MAST4: variants seen among roughly 807,000 people sequenced by gnomAD.
The protein encoded by MAST4 is microtubule-associated serine/threonine-protein kinase 4.
Under a neutral mutation model 162.7 loss-of-function variants are expected in MAST4, and 89 were observed. That is an observed-to-expected ratio of 0.55 (90% CI 0.46 to 0.65). The LOEUF (loss-of-function observed/expected upper bound fraction) is 0.65. MAST4 is among the 30% of genes least tolerant of loss of function. The pLI, the probability that MAST4 is intolerant of heterozygous loss-of-function variation, is 0.00. For synonymous variants in MAST4, 1,479 were observed against 1,361.1 expected (o/e 1.09, Z -1.91); for missense variants, 3,153 against 3,374.0 (o/e 0.93, Z 1.62).
chr5:66,616,000 C>G (rs999378717), intron 1 of MAST4, among the ~76,000 whole-genome samples: 1 of 152,214 alleles, frequency 6.6e-6, no homozygotes, highest in African/African-American at 2.4e-5. Context: ...CCTTTCCAGT[C>G]TGCCAGCTAC....
intron 3 of MAST4, among the ~76,000 whole-genome samples, chr5:66,828,086 A>C (rs529871564): frequency 6.6e-6 from 1 of 152,048 alleles, no homozygotes; most frequent in Non-Finnish European, 1.5e-5. Flanking sequence ...CCTCCACCCA[A>C]CCTTTTTACA....
At chr5:66,629,405 C>T (rs1369442374) in intron 1 of MAST4, among the ~76,000 whole-genome samples, 2 of 152,192 alleles carry the variant, frequency 1.3e-5, no homozygotes, top group Admixed American at 6.5e-5. Flanking sequence ...GTGCCTTGGC[C>T]TCTCCCTTTG....
intron 1 of MAST4, among the ~76,000 whole-genome samples, chr5:66,672,406 C>T (rs1747666653): frequency 6.6e-6 from 1 of 152,102 alleles, no homozygotes; most frequent in Non-Finnish European, 1.5e-5. Context: ...TTTTAATGTA[C>T]ATCTTTTTAT....
intron 7 of MAST4, among the ~76,000 whole-genome samples, chr5:67,096,009 T>G (rs1764423497): frequency 6.6e-6 from 1 of 152,146 alleles, no homozygotes. Context: ...CCAGTGACAT[T>G]ATGCTAAAAA....
chr5:66,755,644 A>T (rs1753490916), intron 1 of MAST4, among the ~76,000 whole-genome samples: 1 of 152,206 alleles, frequency 6.6e-6, no homozygotes. Flanking sequence ...TTTAAAATTT[A>T]TTCTTTTAAT....
intron 3 of MAST4, among the ~76,000 whole-genome samples, chr5:66,814,614 C>T (rs948999943): frequency 6.6e-6 from 1 of 152,164 alleles, no homozygotes; most frequent in Non-Finnish European, 1.5e-5. Context: ...CTAGGTGGCA[C>T]ATCAGCAAAT....
chr5:67,038,364 A>G lies in MAST4; in HGVS notation c.675-16040A>G, dbSNP rs549037027. ...AACAATGGATCTATTTAATAATGCA[A>G]GGAAAAGTCACCCTCCCTAGACTTC... On this transcript the variant is annotated intron_variant, in intron 4 of 28. Coordinates refer to ENST00000403625, the MANE Select transcript of MAST4 (RefSeq NM_001164664.2). 3.7e-4 allele frequency among the ~76,000 whole-genome samples: 56 copies of G among 152,100 alleles called. 1 individual carries two copies. Among genetic ancestry groups the G allele is most frequent in the Non-Finnish European group, 1.3e-4 (9 of 68,032 alleles).
At chr5:66,796,772 A>C (rs1011441906) in intron 3 of MAST4, among the ~76,000 whole-genome samples, 1 of 152,178 alleles carries the variant, frequency 6.6e-6, no homozygotes, top group African/African-American at 2.4e-5. Context: ...TAGGAGGTCG[A>C]CAGCTTGTCC....
intron 19 of MAST4, among the ~76,000 whole-genome samples, chr5:67,141,376 A>G (rs1462329445): frequency 6.6e-6 from 1 of 152,128 alleles, no homozygotes; most frequent in Non-Finnish European, 1.5e-5. Context: ...ATATTATAAC[A>G]TGTACCTTTT....
chr5:67,048,602 A>C (rs1294986800), intron 4 of MAST4, among the ~76,000 whole-genome samples: 2 of 152,200 alleles, frequency 1.3e-5, no homozygotes, highest in African/African-American at 4.8e-5. Context: ...ATGCAAAATT[A>C]GTATCTTATA....
At chr5:66,645,032 G>C (rs1745736394) in intron 1 of MAST4, among the ~76,000 whole-genome samples, 1 of 152,040 alleles carries the variant, frequency 6.6e-6, no homozygotes, top group Admixed American at 6.6e-5. Flanking sequence ...TGGGGGAACT[G>C]GTCTGTGTGC....
intron 2 of MAST4, among the ~76,000 whole-genome samples, chr5:66,765,270 C>T (rs1754042402): frequency 6.6e-6 from 1 of 152,104 alleles, no homozygotes; most frequent in African/African-American, 2.4e-5. Context: ...ATACAGTTGT[C>T]CCTCAGTAGC....
chr5:66,887,904 A>T (rs1762138489), intron 3 of MAST4, among the ~76,000 whole-genome samples: 1 of 152,100 alleles, frequency 6.6e-6, no homozygotes, highest in Non-Finnish European at 1.5e-5. Context: ...CTTCCAGATG[A>T]TGTTATTTAA....
chr5:66,968,578 A>G (rs916582715), intron 4 of MAST4, among the ~76,000 whole-genome samples: 1 of 152,216 alleles, frequency 6.6e-6, no homozygotes, highest in South Asian at 2.1e-4. Context: ...TGACATACGT[A>G]GAAGAGGCCC....
intron 1 of MAST4, among the ~76,000 whole-genome samples, chr5:66,686,944 G>A (rs1748699247): frequency 6.6e-6 from 1 of 152,080 alleles, no homozygotes; most frequent in South Asian, 2.1e-4. Context: ...TTTATTTCTA[G>A]GGGTTTTCAA....
At chr5:66,904,908 C>A (rs1415779605) in intron 4 of MAST4, among the ~76,000 whole-genome samples, 1 of 152,024 alleles carries the variant, frequency 6.6e-6, no homozygotes. Flanking sequence ...AGTAGTTTTC[C>A]AGCCCTTTCC....
In MAST4 at chr5:67,134,564, G is replaced by A. The variant is rs1409861210; in HGVS notation, c.2268G>A (p.Leu756=). ...TPEYIAPEVI[L]RQGYGKPVDW... ...AATACATTGCACCAGAAGTGATTCTGAGGCAGGGTTATGGAAAGCCGGTGG... is the reference window on the plus strand; with the variant it reads ...AATACATTGCACCAGAAGTGATTCTAAGGCAGGGTTATGGAAAGCCGGTGG... The change falls in exon 18 of 29, where the codon CTG becomes CTA. Residue 756 remains leucine (L), a synonymous_variant. Coordinates refer to ENST00000403625, the MANE Select transcript of MAST4 (RefSeq NM_001164664.2). 1.2e-6 allele frequency: 2 copies of A among 1,613,680 alleles called. No individual in the cohort carries two copies. The highest frequency in any genetic ancestry group is 1.7e-6 in the Non-Finnish European group (2 of 1,179,694).
At position 66,986,491 on chromosome 5, in the gene MAST4, C is replaced by A. The variant is rs1378546297; in HGVS notation, c.675-67913C>A. The A allele has an allele frequency of 1.1e-5, 18 of 1,567,000 alleles. No individual in the cohort carries two copies. In the South Asian group the frequency reaches 1.8e-4, roughly 15 times the overall value. On this transcript the variant is annotated intron_variant, in intron 4 of 28. Coordinates refer to ENST00000403625, the MANE Select transcript of MAST4 (RefSeq NM_001164664.2). ...AGAACATCACCCCTTGGATGAATTG[C>A]CACCACATTAAATAAAACATATCCA...
chr5:67,108,590 T>C (rs1765856969), intron 10 of MAST4, among the ~76,000 whole-genome samples: 1 of 152,208 alleles, frequency 6.6e-6, no homozygotes. Flanking sequence ...AGTTACTAGT[T>C]GGTGTTCTTT....
Sources: gnomAD v4.1 joint callset for allele counts (sites outside exome capture counted in the v4.1 genomes callset) on GRCh38, gnomAD v4.1.1 for gene constraint, MANE v1.5 for transcripts, NCBI Gene and HGNC (gene_info 2026-07-23, HGNC 2026-07-21) for gene names.